The following SAMD4A variants were observed in gnomAD, a reference collection of about 807,000 sequenced individuals.
SAMD4A encodes sterile alpha motif domain containing 4A.
SAMD4A carries 33 observed loss-of-function variants against 81.3 expected under a neutral mutation model. The observed-to-expected ratio is 0.41, with a 90% CI of 0.31 to 0.54. The LOEUF is 0.54. Among genes scored for constraint, SAMD4A ranks in the 20% least tolerant of loss-of-function variants. SAMD4A has a pLI of 0.37. For missense variants in SAMD4A, 854 were observed against 951.1 expected (o/e 0.90, Z 1.34); for synonymous variants, 389 against 382.1 (o/e 1.02, Z -0.21).
intron 2 of SAMD4A, among the ~76,000 whole-genome samples, chr14:54,631,385 C>T (rs1285789608): frequency 6.6e-6 from 1 of 152,242 alleles, no homozygotes; most frequent in African/African-American, 2.4e-5. Flanking sequence ...AACAATCACA[C>T]AGCACTAACA....
At chr14:54,685,216 T>A (rs991868884) in intron 2 of SAMD4A, among the ~76,000 whole-genome samples, 4 of 152,034 alleles carry the variant, frequency 2.6e-5, no homozygotes, top group Non-Finnish European at 5.9e-5. Context: ...TCTAGAACTT[T>A]ATCATCATCC....
intron 9 of SAMD4A, among the ~76,000 whole-genome samples, chr14:54,771,469 G>A (rs1158559002): frequency 6.6e-6 from 1 of 152,148 alleles, no homozygotes; most frequent in East Asian, 1.9e-4. Flanking sequence ...TCAGGATGAT[G>A]AGCAGAAAAG....
intron 2 of SAMD4A, among the ~76,000 whole-genome samples, chr14:54,686,763 T>C (rs930798393): frequency 1.3e-5 from 2 of 152,168 alleles, no homozygotes; most frequent in African/African-American, 2.4e-5. Flanking sequence ...ACGCGCTAAA[T>C]TGGGAGGCCA....
chr14:54,752,144 A>G (rs1272694868), intron 6 of SAMD4A, among the ~76,000 whole-genome samples: 1 of 152,244 alleles, frequency 6.6e-6, no homozygotes, highest in East Asian at 1.9e-4. Flanking sequence ...TGCTGAAAAA[A>G]GTTTATTCCA....
intron 3 of SAMD4A, among the ~76,000 whole-genome samples, chr14:54,734,355 C>T (rs972248967): frequency 5.9e-5 from 9 of 152,180 alleles, no homozygotes; most frequent in Non-Finnish European, 7.3e-5. Context: ...ACGTTGGCTC[C>T]TACGGAGATA....
At chr14:54,579,037 C>T (rs570538654) in intron 2 of SAMD4A, among the ~76,000 whole-genome samples, 50 of 152,108 alleles carry the variant, frequency 3.3e-4, no homozygotes, top group Non-Finnish European at 6.0e-4. Context: ...CTTTTTTCTT[C>T]TCTCCGTGTA....
intron 8 of SAMD4A, among the ~76,000 whole-genome samples, chr14:54,767,553 A>G (rs1000416782): frequency 2.6e-5 from 4 of 152,208 alleles, no homozygotes; most frequent in African/African-American, 7.2e-5. Flanking sequence ...ATCCAGCCAC[A>G]TATGCTGGGA....
chr14:54,593,050 A>G (rs1351216078), intron 2 of SAMD4A, among the ~76,000 whole-genome samples: 2 of 152,246 alleles, frequency 1.3e-5, no homozygotes, highest in Admixed American at 1.3e-4. Context: ...AAATAGAATG[A>G]TATAATAAAC....
chr14:54,670,561 T>G (rs1166108774), intron 2 of SAMD4A, among the ~76,000 whole-genome samples: 1 of 152,230 alleles, frequency 6.6e-6, no homozygotes, highest in Non-Finnish European at 1.5e-5. Context: ...ACTTAACTTT[T>G]CTGAATCACA....
chr14:54,773,200 AGAG>A (rs1462093878), intron 9 of SAMD4A, among the ~76,000 whole-genome samples: 2 of 152,062 alleles, frequency 1.3e-5, no homozygotes, highest in African/African-American at 2.4e-5. Context: ...TCTGGGGAGA[AGAG>A]AAACATTTTC....
At chr14:54,597,181 G>T (rs370510443) in intron 2 of SAMD4A, among the ~76,000 whole-genome samples, 1 of 151,446 alleles carries the variant, frequency 6.6e-6, no homozygotes, top group African/African-American at 2.4e-5. Flanking sequence ...TCTGCTTAGC[G>T]TGTAGGAGCT....
intron 11 of SAMD4A, among the ~76,000 whole-genome samples, chr14:54,782,963 C>T (rs996819402): frequency 3.3e-5 from 5 of 152,120 alleles, no homozygotes; most frequent in African/African-American, 1.2e-4. Context: ...GGATGCTTTG[C>T]CCACTTGACA....
chr14:54,713,130 G>A (rs189796270), intron 3 of SAMD4A, among the ~76,000 whole-genome samples: 4 of 151,922 alleles, frequency 2.6e-5, no homozygotes, highest in East Asian at 1.9e-4. Flanking sequence ...AAGATTTCCC[G>A]AGTAAACTCA....
intron 2 of SAMD4A, among the ~76,000 whole-genome samples, chr14:54,580,329 C>T (rs2033427695): frequency 6.6e-6 from 1 of 152,334 alleles, no homozygotes; most frequent in Admixed American, 6.5e-5. Flanking sequence ...AAGTCATTTC[C>T]AGACTCCCCC....
At chr14:54,751,727 C>G (rs918902309) in intron 6 of SAMD4A, among the ~76,000 whole-genome samples, 190 bp downstream of exon 6, 2 of 152,194 alleles carry the variant, frequency 1.3e-5, no homozygotes, top group African/African-American at 4.8e-5. Context: ...AAAGCTGATG[C>G]CTCAGTGTGC....
intron 2 of SAMD4A, among the ~76,000 whole-genome samples, chr14:54,648,648 G>A (rs1185950348): frequency 6.6e-6 from 1 of 152,188 alleles, no homozygotes. Flanking sequence ...ATTGAACAAG[G>A]CAGAGTGTGG....
chr14:54,582,526 A>C (rs1446844358), intron 2 of SAMD4A, among the ~76,000 whole-genome samples: 2 of 152,200 alleles, frequency 1.3e-5, no homozygotes, highest in Non-Finnish European at 1.5e-5. Flanking sequence ...AGCATTTAGC[A>C]CACTGGATTG....
At chr14:54,765,221 C>A (rs565893521) in intron 8 of SAMD4A, among the ~76,000 whole-genome samples, 1 of 152,066 alleles carries the variant, frequency 6.6e-6, no homozygotes, top group Non-Finnish European at 1.5e-5. Flanking sequence ...CTTGGGCACC[C>A]CTCCCTCCCC....
At chr14:54,700,192 C>T (rs1471297521) in intron 2 of SAMD4A, among the ~76,000 whole-genome samples, 1 of 152,174 alleles carries the variant, frequency 6.6e-6, no homozygotes, top group African/African-American at 2.4e-5. Flanking sequence ...TCATCAAGTA[C>T]TTGACCAGCC....
Sources: gnomAD v4.1 joint callset for allele counts (sites outside exome capture counted in the v4.1 genomes callset) on GRCh38, gnomAD v4.1.1 for gene constraint, MANE v1.5 for transcripts, NCBI Gene and HGNC (gene_info 2026-07-23, HGNC 2026-07-21) for gene names.